Variants in HYAL4 observed in about 807,000 individuals in gnomAD.
The protein encoded by HYAL4 is hyaluronidase 4.
Under a neutral mutation model 35.2 loss-of-function variants are expected in HYAL4, and 37 were observed. The observed-to-expected ratio is 1.05, with a 90% CI of 0.81 to 1.38. The LOEUF (loss-of-function observed/expected upper bound fraction) is 1.38. Ranked by LOEUF, HYAL4 falls within the 40% of genes most tolerant of loss-of-function variation. The probability of loss-of-function intolerance (pLI) is 0.00; values close to 1 mark genes in which losing one functional copy is unlikely to be tolerated. For synonymous variants in HYAL4, 198 were observed against 203.2 expected (o/e 0.97, Z 0.22); for missense variants, 572 against 572.4 (o/e 1.00, Z 0.01).
intron 2 of HYAL4, 41 bp from the exon 3 acceptor site, chr7:123,868,182 C>T (rs562752028): frequency 7.0e-5 from 40 of 574,484 alleles, no homozygotes; most frequent in Non-Finnish European, 1.1e-4. Context: ...GAGTCTTTTT[C>T]CTCAAAACTA....
At chr7:123,791,587 T>C in the HYAL4 span, among the ~76,000 whole-genome samples, 3 of 152,210 alleles carry the variant, frequency 2.0e-5, no homozygotes, top group Non-Finnish European at 4.4e-5. Context: ...GCCTGGTTCT[T>C]GGTCCACAGG....
chr7:123,770,793 AG>A, the HYAL4 span, among the ~76,000 whole-genome samples: 1 of 152,108 alleles, frequency 6.6e-6, no homozygotes, highest in South Asian at 2.1e-4. Flanking sequence ...CAAAAAAAAA[AG>A]GTTTTATATA....
chr7:123,778,155 G>GTCTATCTATCTATCTA, the HYAL4 span, among the ~76,000 whole-genome samples: 9 of 132,666 alleles, frequency 6.8e-5, no homozygotes, highest in Non-Finnish European at 3.1e-5. Flanking sequence ...CTATCTGTCT[G>GTCTATCTATCTATCTA]TCTGTCTATC....
intron 2 of HYAL4, among the ~76,000 whole-genome samples, chr7:123,867,949 A>T (rs1354070823): frequency 6.6e-6 from 1 of 152,194 alleles, no homozygotes; most frequent in African/African-American, 2.4e-5. Flanking sequence ...TTATCTGATC[A>T]TGAACTCCTT....
At chr7:123,789,300 A>T in the HYAL4 span, among the ~76,000 whole-genome samples, 1 of 152,196 alleles carries the variant, frequency 6.6e-6, no homozygotes. Flanking sequence ...CAGCTAGAGG[A>T]ATTGAGCATT....
chr7:123,842,403 T>A (rs1014704020), upstream of HYAL4, among the ~76,000 whole-genome samples: 2 of 152,012 alleles, frequency 1.3e-5, no homozygotes, highest in Non-Finnish European at 2.9e-5. Flanking sequence ...TGCTGAGGAG[T>A]GCTTTACTTC....
chr7:123,863,381 C>T (rs1584922817), intron 2 of HYAL4, among the ~76,000 whole-genome samples: 2 of 152,136 alleles, frequency 1.3e-5, no homozygotes, highest in South Asian at 4.1e-4. Context: ...AGGAGCACAC[C>T]TGCAGTTAAA....
chr7:123,812,754 A>G, the HYAL4 span, among the ~76,000 whole-genome samples: 1 of 152,102 alleles, frequency 6.6e-6, no homozygotes, highest in Non-Finnish European at 1.5e-5. Flanking sequence ...ATATTTATGG[A>G]GAGTAGATAT....
the HYAL4 span, among the ~76,000 whole-genome samples, chr7:123,799,936 T>C: frequency 6.6e-6 from 1 of 151,804 alleles, no homozygotes; most frequent in Non-Finnish European, 1.5e-5. Flanking sequence ...TGAGGTGAGC[T>C]GATTGCTTGA....
the HYAL4 span, among the ~76,000 whole-genome samples, chr7:123,772,393 G>A: frequency 6.6e-6 from 1 of 152,214 alleles, no homozygotes; most frequent in African/African-American, 2.4e-5. Flanking sequence ...TAGGTGGCAA[G>A]AGCATAATCA....
chr7:123,795,607 C>T, the HYAL4 span, among the ~76,000 whole-genome samples: 1 of 152,124 alleles, frequency 6.6e-6, no homozygotes, highest in African/African-American at 2.4e-5. Flanking sequence ...TTCTTGTTGC[C>T]ACCCTGTGAA....
In HYAL4 at chr7:123,868,569, C is replaced by A. The variant is rs139329355; in HGVS notation, c.296C>A (p.Pro99Gln). 6.2e-7 allele frequency: 1 copy of A among 1,614,048 alleles called. No individual in the cohort carries two copies. Among genetic ancestry groups the A allele is most frequent in the South Asian group, 1.1e-5 (1 of 90,998 alleles). ...IFYVNRLGYYPWYTSQGVPIN... is the reference protein window; with the variant it reads ...IFYVNRLGYYQWYTSQGVPIN... ...TATGTCAACAGATTGGGATACTATC[C>A]GTGGTATACATCACAAGGGGTCCCC... The change falls in exon 3 of 5, where the codon CCG (proline) becomes CAG (glutamine). Residue 99 changes from proline (P) to glutamine (Q), a missense_variant. Pro to Gln is a moderately conservative substitution (Grantham distance 76, BLOSUM62 -1). Transcript: ENST00000223026.
chr7:123,797,508 T>C, the HYAL4 span, among the ~76,000 whole-genome samples: 13 of 152,344 alleles, frequency 8.5e-5, no homozygotes, highest in African/African-American at 2.4e-4. Flanking sequence ...CAAAAACTTA[T>C]TTTTCTTGCC....
At chr7:123,875,928 T>A (rs1807009955) in intron 4 of HYAL4, 2 of 425,832 alleles carry the variant, frequency 4.7e-6, no homozygotes, top group Admixed American at 2.8e-5. Context: ...ACAGTCTCAA[T>A]TTGTTGCTAC....
the HYAL4 span, among the ~76,000 whole-genome samples, chr7:123,786,923 C>A: frequency 7.9e-5 from 12 of 151,676 alleles, no homozygotes; most frequent in African/African-American, 2.9e-4. Flanking sequence ...GCCTGGCTTA[C>A]GTGGCAAAAA....
chr7:123,821,164 A>T, the HYAL4 span, among the ~76,000 whole-genome samples: 2 of 152,194 alleles, frequency 1.3e-5, no homozygotes, highest in African/African-American at 4.8e-5. Flanking sequence ...ATATATCCAG[A>T]AGTATATATG....
the HYAL4 span, among the ~76,000 whole-genome samples, chr7:123,801,113 G>C: frequency 1.3e-5 from 2 of 152,000 alleles, no homozygotes; most frequent in African/African-American, 2.4e-5. Context: ...GCAGGAGTTC[G>C]ACACCCACCT....
chr7:123,853,488 T>C (rs1206059125), intron 2 of HYAL4, among the ~76,000 whole-genome samples: 2 of 152,238 alleles, frequency 1.3e-5, no homozygotes, highest in African/African-American at 4.8e-5. Flanking sequence ...GAGATAATCA[T>C]GTGGTTTTTG....
At chr7:123,767,650 C>T in the HYAL4 span, among the ~76,000 whole-genome samples, 15 of 152,308 alleles carry the variant, frequency 9.8e-5, no homozygotes, top group Non-Finnish European at 1.5e-5. Flanking sequence ...TCTCATTGTC[C>T]TGACCAGAGT....
Sources: gnomAD v4.1 joint callset for allele counts (sites outside exome capture counted in the v4.1 genomes callset) on GRCh38, gnomAD v4.1.1 for gene constraint, MANE v1.5 for transcripts, NCBI Gene and HGNC (gene_info 2026-07-23, HGNC 2026-07-21) for gene names.